The following LZTFL1 variants were observed in gnomAD, a reference collection of about 807,000 sequenced individuals.
LZTFL1 encodes leucine zipper transcription factor-like protein 1.
A neutral mutation model predicts 45.9 loss-of-function variants in LZTFL1; 25 were observed. That is an observed-to-expected ratio of 0.54 (90% CI 0.40 to 0.76). The LOEUF (loss-of-function observed/expected upper bound fraction) is 0.76, where lower values mean the gene tolerates loss of function less well. Among genes scored for constraint, LZTFL1 ranks in the 30% least tolerant of loss-of-function variants. The pLI, the probability that LZTFL1 is intolerant of heterozygous loss-of-function variation, is 0.00. For synonymous variants in LZTFL1, 93 were observed against 117.4 expected, an observed-to-expected ratio of 0.79 and a Z score of 1.35; for missense variants, 277 against 331.1, an observed-to-expected ratio of 0.84 and a Z score of 1.27.
chr3:45,878,806 T>C (rs34518147), intron 2 of LZTFL1, among the ~76,000 whole-genome samples: 13,462 of 152,224 alleles, frequency 0.088, 1,029 homozygotes, highest in South Asian at 0.36. Context: ...CTGGGCCAGG[T>C]GCAGTGGCTC....
intron 2 of LZTFL1, among the ~76,000 whole-genome samples, chr3:45,908,670 C>T (rs904823074): frequency 2.6e-5 from 4 of 152,292 alleles, no homozygotes; most frequent in African/African-American, 4.8e-5. Context: ...GCCAAGGCCC[C>T]GCACCACTCA....
chr3:45,878,814 C>T (rs1016020346), intron 2 of LZTFL1, among the ~76,000 whole-genome samples: 6 of 152,224 alleles, frequency 3.9e-5, no homozygotes, highest in African/African-American at 1.4e-4. Context: ...GGTGCAGTGG[C>T]TCACGCCTGT....
chr3:45,862,807 C>T lies in LZTFL1; in HGVS notation c.-214-3791G>A, dbSNP rs192954610. Among the ~76,000 whole-genome samples, 52 of 152,318 alleles carry T rather than the reference C, an allele frequency of 3.4e-4. 1 individual carries two copies. The highest frequency in any genetic ancestry group is 9.8e-4 in the Admixed American group (15 of 15,300). On this transcript the variant is annotated intron_variant, in intron 2 of 4. Coordinates refer to the LZTFL1 transcript ENST00000472635. ...TACTGAGAACTCTCATGGCTTGCAGCCTTCCCTCAGGCACTCTTCTGGAAT... is the reference window on the plus strand; with the variant it reads ...TACTGAGAACTCTCATGGCTTGCAGTCTTCCCTCAGGCACTCTTCTGGAAT...
chr3:45,853,567 C>G (rs1189834964), intron 4 of LZTFL1, among the ~76,000 whole-genome samples: 1 of 152,172 alleles, frequency 6.6e-6, no homozygotes, highest in African/African-American at 2.4e-5. Context: ...TCTTCTTGCT[C>G]TACTGATTCG....
rs770290010 is a variant in LZTFL1, at chr3:45,823,578, AT to A, written c.*2735del. On this transcript the variant is annotated 3_prime_UTR_variant, in exon 10 of 10. Transcript: ENST00000296135. ...CTCACCTCTATTCAAGACAGAGGTC[AT>A]TACCTTTAAGTATAATATTTCCCCT... 2 of 152,280 alleles carry A rather than the reference AT, an allele frequency of 1.3e-5. No individual in the cohort carries two copies. Among genetic ancestry groups the A allele is most frequent in the Non-Finnish European group, 2.9e-5 (2 of 68,068 alleles). The allele number at this position is 152,280 out of a possible 1,614,324, so 9.4% of individuals were successfully genotyped here.
chr3:45,828,795 A>AT (rs1365739229), intron 7 of LZTFL1, among the ~76,000 whole-genome samples, 180 bp from the exon 8 acceptor site: 1 of 152,178 alleles, frequency 6.6e-6, no homozygotes, highest in South Asian at 2.1e-4. Context: ...AGGCCAGTCC[A>AT]TTGTCAGCCC....
chr3:45,879,883 A>T (rs555270858), intron 2 of LZTFL1, among the ~76,000 whole-genome samples: 2 of 152,338 alleles, frequency 1.3e-5, no homozygotes, highest in Admixed American at 6.5e-5. Context: ...ATATGTATTT[A>T]AAAAAACCCA....
Position 45,831,008 on chromosome 3 carries a change from C to CAA in LZTFL1, c.523-20_523-19dup. 6.2e-7 allele frequency: 1 copy of CAA among 1,611,146 alleles called. No individual in the cohort carries two copies. Among genetic ancestry groups the CAA allele is most frequent in the Non-Finnish European group, 8.5e-7 (1 of 1,177,588 alleles). On this transcript the variant is annotated intron_variant, in intron 6 of 9. Transcript: ENST00000296135. ...TTTGTAGCCTATAGTGAAGTTTAAACAAAACACTTTCAGTATTTAATCTGT... is the reference window on the plus strand; with the variant it reads ...TTTGTAGCCTATAGTGAAGTTTAAACAAAAAACACTTTCAGTATTTAATCTGT...
rs1421104132 is a variant in LZTFL1 at position 45,835,568 on chromosome 3, T to C, written c.323+22A>G. On this transcript the variant is annotated intron_variant, in intron 3 of 9. Transcript: ENST00000296135. ...TATGCTTGGGCCATTATTGTCACAG[T>C]TGCAAGTTCAAATTTTATTACCGGT... 5.0e-6 allele frequency: 8 copies of C among 1,605,504 alleles called. No individual in the cohort carries two copies. In the Admixed American group the frequency reaches 6.7e-5, roughly 13 times the overall value.
chr3:45,857,673 G>C (rs1258457367), intron 3 of LZTFL1, among the ~76,000 whole-genome samples: 1 of 152,194 alleles, frequency 6.6e-6, no homozygotes, highest in African/African-American at 2.4e-5. Flanking sequence ...AAACCCGCTA[G>C]AGATGTGGTT....
intron 8 of LZTFL1, 29 bp from the exon 9 acceptor site, chr3:45,827,488 C>A (rs1046970316): frequency 7.2e-7 from 1 of 1,388,630 alleles, no homozygotes; most frequent in Non-Finnish European, 1.0e-6. Context: ...CAGCCCATTA[C>A]TAAAAAAATA....
Position 45,901,090 on chromosome 3 carries a change from T to A in LZTFL1, c.-215+12030A>T, listed in dbSNP as rs1358327237. 11 of 1,614,098 alleles carry A rather than the reference T, an allele frequency of 6.8e-6. No individual in the cohort carries two copies. The highest frequency in any genetic ancestry group is 1.3e-5 in the African/African-American group (1 of 74,938). Reference sequence around the variant, plus strand: ...GCTGACCTCCTCTTTCTTGTCACTCTTCCCTTCTGGGCCATTGCTGCTGCT... The same window carrying A: ...GCTGACCTCCTCTTTCTTGTCACTCATCCCTTCTGGGCCATTGCTGCTGCT... On this transcript the variant is annotated intron_variant, in intron 2 of 4. Coordinates refer to the LZTFL1 transcript ENST00000472635. The surrounding 1 kb of genome is among the most constrained non-coding windows in gnomAD (Gnocchi z 4.3).
chr3:45,840,309 T>G (rs181310879), intron 1 of LZTFL1, among the ~76,000 whole-genome samples: 1 of 152,242 alleles, frequency 6.6e-6, no homozygotes, highest in Non-Finnish European at 1.5e-5. Flanking sequence ...AAACGGCTAT[T>G]CACAAACCTT....
At chr3:45,847,681 G>T (rs1354408188) in intron 4 of LZTFL1, among the ~76,000 whole-genome samples, 1 of 152,240 alleles carries the variant, frequency 6.6e-6, no homozygotes, top group Non-Finnish European at 1.5e-5. Context: ...ACAACCAAAA[G>T]ATTGGCAGCT....
At chr3:45,906,224 T>A (rs1004751195) in intron 2 of LZTFL1, among the ~76,000 whole-genome samples, 1 of 152,142 alleles carries the variant, frequency 6.6e-6, no homozygotes, top group Non-Finnish European at 1.5e-5. Context: ...AGAGCATGGG[T>A]CCTGTCTCAT....
intron 2 of LZTFL1, among the ~76,000 whole-genome samples, chr3:45,884,833 C>T (rs1701937619): frequency 6.6e-6 from 1 of 152,228 alleles, no homozygotes; most frequent in African/African-American, 2.4e-5. Context: ...ACATCTTCTT[C>T]CCTCTAGCAC....
At chr3:45,885,299 A>G (rs571688205) in intron 2 of LZTFL1, among the ~76,000 whole-genome samples, 1 of 152,366 alleles carries the variant, frequency 6.6e-6, no homozygotes, top group East Asian at 1.9e-4. Flanking sequence ...GATCTTTGTC[A>G]TAACAATGAC....
upstream of LZTFL1, among the ~76,000 whole-genome samples, chr3:45,845,951 G>C (rs1202171880): frequency 6.6e-6 from 1 of 152,190 alleles, no homozygotes. Context: ...ATATGAGTTT[G>C]TCTTCCCAAC....
chr3:45,857,301 A>G (rs367856893), intron 3 of LZTFL1, among the ~76,000 whole-genome samples: 14 of 152,200 alleles, frequency 9.2e-5, no homozygotes, highest in African/African-American at 3.4e-4. Context: ...GTTCTCACTT[A>G]TAAGTGGGAA....
Sources: allele counts gnomAD v4.1 joint callset (sites outside exome capture counted in the v4.1 genomes callset), GRCh38; gene constraint gnomAD v4.1.1; non-coding constraint Gnocchi (gnomAD v3.1); transcripts MANE v1.5; gene names NCBI Gene and HGNC (gene_info 2026-07-23, HGNC 2026-07-21).